Variants in ATP11C observed in about 807,000 individuals in gnomAD.
ATP11C encodes the protein ATPase phospholipid transporting 11C (ATP11C blood group), also known as phospholipid-transporting ATPase IG.
ATP11C carries 36 observed loss-of-function variants against 97.4 expected under a neutral mutation model. That is an observed-to-expected ratio of 0.37 (90% CI 0.28 to 0.49). The LOEUF (loss-of-function observed/expected upper bound fraction) is 0.49, where lower values mean the gene tolerates loss of function less well. Ranked by LOEUF, ATP11C falls within the 20% of genes least tolerant of loss-of-function variation. ATP11C has a pLI of 0.98. For synonymous variants in ATP11C, 275 were observed against 290.9 expected (o/e 0.95, Z 0.56); for missense variants, 730 against 824.6 (o/e 0.89, Z 1.40).
intron 19 of ATP11C, among the ~76,000 whole-genome samples, chrX:139,773,935 C>T (rs781687928): frequency 3.6e-5 from 4 of 112,436 alleles, no homozygotes; most frequent in Non-Finnish European, 5.6e-5. Flanking sequence ...GCCCTTAACA[C>T]TGTTCCTGGA....
intron 1 of ATP11C, among the ~76,000 whole-genome samples, chrX:139,892,881 G>A (rs1251426074): frequency 8.9e-6 from 1 of 111,848 alleles, no homozygotes; most frequent in African/African-American, 3.3e-5. Context: ...AAGCCAACAG[G>A]CTCACACAGT....
chrX:139,776,286 G>C (rs971561088), intron 18 of ATP11C, among the ~76,000 whole-genome samples: 6 of 111,663 alleles, frequency 5.4e-5, no homozygotes, highest in African/African-American at 1.6e-4. Flanking sequence ...AGGCCAATTG[G>C]GCTTTCACAA....
At chrX:139,845,337 T>TA (rs751603734) in intron 1 of ATP11C, among the ~76,000 whole-genome samples, 1 of 112,298 alleles carries the variant, frequency 8.9e-6, no homozygotes, top group Non-Finnish European at 1.9e-5. Flanking sequence ...AGATTTGCTT[T>TA]AAAAAACTAG....
intron 20 of ATP11C, among the ~76,000 whole-genome samples, chrX:139,766,472 A>G (rs1425405318): frequency 2.7e-5 from 3 of 111,994 alleles, no homozygotes; most frequent in Non-Finnish European, 3.8e-5. Context: ...CTGATTCCCA[A>G]CCTGGGGCCA....
rs766263480 is a variant in ATP11C at position 139,802,236 on chromosome X, T to C, written c.659A>G (p.Lys220Arg). The change falls in exon 7 of 30, where the codon AAA becomes AGA. Residue 220 changes from lysine (K) to arginine (R), a missense_variant and splice_region_variant. Lys to Arg is a conservative substitution (Grantham distance 26). Coordinates refer to ENST00000682941, the MANE Select transcript of ATP11C (RefSeq NM_001353812.2). ...TAAAATGAAACCAGGTGATTCTTAC[T>C]TGTAGAGGTCAGGTTGAGGCTGTTC... ...ECEQPQPDLYKFVGRINIYSN... is the reference protein window; with the variant it reads ...ECEQPQPDLYRFVGRINIYSN... 8.5e-7 allele frequency: 1 copy of C among 1,182,827 alleles called. No individual in the cohort carries two copies. The highest frequency in any genetic ancestry group is 2.2e-5 in the Admixed American group (1 of 46,001).
chrX:139,804,339 G>T, intron 6 of ATP11C, 132 bp downstream of exon 6: 1 of 479,257 alleles, frequency 2.1e-6, no homozygotes, highest in Non-Finnish European at 3.2e-6. Context: ...TTACATAACA[G>T]CTCTTTTCAA....
chrX:139,925,464 A>AGTCTGAAATGCATAATGTAGCCCC (rs1176890980), intron 1 of ATP11C, among the ~76,000 whole-genome samples: 1 of 112,616 alleles, frequency 8.9e-6, no homozygotes, highest in Non-Finnish European at 1.9e-5. Flanking sequence ...TTTGTAGCCC[A>AGTCTGAAATGCATAATGTAGCCCC]GTCTGAAATG....
chrX:139,883,658 G>A (rs779062997), intron 1 of ATP11C, among the ~76,000 whole-genome samples: 4 of 110,805 alleles, frequency 3.6e-5, no homozygotes, highest in African/African-American at 9.8e-5. Flanking sequence ...TCATCATAAG[G>A]TGGCAATAAG....
At chrX:139,891,057 C>G in intron 1 of ATP11C, among the ~76,000 whole-genome samples, 1 of 110,200 alleles carries the variant, frequency 9.1e-6, no homozygotes, top group South Asian at 3.9e-4. Context: ...TCAGAAAGGT[C>G]GAAGGCTTCA....
intron 23 of ATP11C, among the ~76,000 whole-genome samples, chrX:139,755,929 C>T (rs2081925339): frequency 8.9e-6 from 1 of 112,162 alleles, no homozygotes; most frequent in Non-Finnish European, 1.9e-5. Flanking sequence ...AAGATTTCAT[C>T]GCAAAGATGC....
intron 28 of ATP11C, among the ~76,000 whole-genome samples, chrX:139,734,379 G>A (rs771157143): frequency 9.0e-6 from 1 of 111,193 alleles, no homozygotes; most frequent in South Asian, 3.8e-4. Context: ...TGCTAAGCAC[G>A]GCCATGTTGC....
chrX:139,866,405 C>T (rs1384183131), intron 1 of ATP11C, among the ~76,000 whole-genome samples: 2 of 105,180 alleles, frequency 1.9e-5, no homozygotes, highest in Admixed American at 1.1e-4. Flanking sequence ...ATGTGACCTG[C>T]CCATGATCAC....
intron 1 of ATP11C, among the ~76,000 whole-genome samples, chrX:139,848,347 C>T (rs1203336070): frequency 9.0e-6 from 1 of 111,618 alleles, no homozygotes. Context: ...TTCACCTCCA[C>T]TCTTTTTTAC....
At chrX:139,827,175 G>A (rs939789098) in intron 1 of ATP11C, among the ~76,000 whole-genome samples, 4 of 111,742 alleles carry the variant, frequency 3.6e-5, no homozygotes, top group Non-Finnish European at 7.5e-5. Flanking sequence ...ACTAACTCAC[G>A]AAAGAATGGA....
upstream of ATP11C, among the ~76,000 whole-genome samples, chrX:139,935,951 G>A (rs973150269): frequency 2.7e-5 from 3 of 109,661 alleles, no homozygotes; most frequent in African/African-American, 6.7e-5. Context: ...AGCCAAGATC[G>A]CGCCAGTACA....
At chrX:139,813,663 C>T (rs909495793) in intron 5 of ATP11C, among the ~76,000 whole-genome samples, 1 of 111,229 alleles carries the variant, frequency 9.0e-6, no homozygotes, top group Non-Finnish European at 1.9e-5. Flanking sequence ...AGAAGCCAAT[C>T]TGAAAAGGCT....
intron 1 of ATP11C, among the ~76,000 whole-genome samples, chrX:139,896,550 C>T (rs1283438629): frequency 2.1e-4 from 5 of 24,205 alleles, no homozygotes; most frequent in East Asian, 4.0e-3. Context: ...ATTTTATACA[C>T]ACACACACAC....
At chrX:139,799,048 A>AGATC (rs2082863591) in intron 8 of ATP11C, among the ~76,000 whole-genome samples, 1 of 111,664 alleles carries the variant, frequency 9.0e-6, no homozygotes, top group Non-Finnish European at 1.9e-5. Flanking sequence ...ACAGAGCAGC[A>AGATC]GATCGCAAGA....
At chrX:139,884,189 C>T (rs1252940602) in intron 1 of ATP11C, among the ~76,000 whole-genome samples, 1 of 111,708 alleles carries the variant, frequency 9.0e-6, no homozygotes, top group Non-Finnish European at 1.9e-5. Context: ...GTCCAAGGCA[C>T]TGATAGTCTG....
Sources: gnomAD v4.1 joint callset for allele counts (sites outside exome capture counted in the v4.1 genomes callset) on GRCh38, gnomAD v4.1.1 for gene constraint, MANE v1.5 for transcripts, NCBI Gene and HGNC (gene_info 2026-07-23, HGNC 2026-07-21) for gene names.